Variants in THRB observed in about 807,000 individuals in gnomAD.
THRB encodes thyroid hormone receptor beta, also known as nuclear receptor subfamily 1 group A member 2.
In THRB, 12 loss-of-function variants were observed where a neutral mutation model predicts 47.8. The observed-to-expected ratio is 0.25, with a 90% CI of 0.16 to 0.41. The LOEUF is 0.41. Among genes scored for constraint, THRB ranks in the 10% least tolerant of loss-of-function variants. The pLI is 1.00. For missense variants in THRB, 348 were observed against 589.2 expected (o/e 0.59, Z 4.24); for synonymous variants, 218 against 212.2 (o/e 1.03, Z -0.24).
At chr3:24,431,130 T>TA (rs546441111) in intron 1 of THRB, 3 of 152,056 alleles carry the variant, frequency 2.0e-5, no homozygotes, top group Non-Finnish European at 4.4e-5. Context: ...AAATAAAGTT[T>TA]ATAAGACTGC....
At chr3:24,277,911 G>A in intron 3 of THRB, among the ~76,000 whole-genome samples, 1 of 152,114 alleles carries the variant, frequency 6.6e-6, no homozygotes, top group East Asian at 1.9e-4. Flanking sequence ...CTCAATTAAG[G>A]GGTGACAACA....
intron 5 of THRB, among the ~76,000 whole-genome samples, chr3:24,185,596 A>G (rs975067569): frequency 6.6e-6 from 1 of 152,196 alleles, no homozygotes; most frequent in Admixed American, 6.5e-5. Context: ...CTGTGAGATC[A>G]CTGATGGCTG....
chr3:24,160,000 G>T (rs1485625892), intron 5 of THRB, among the ~76,000 whole-genome samples: 3 of 152,192 alleles, frequency 2.0e-5, no homozygotes, highest in African/African-American at 7.2e-5. Context: ...TTTGAAGGCA[G>T]GGCTGGTTGG....
chr3:24,382,575 AG>A (rs2065795960), intron 1 of THRB, among the ~76,000 whole-genome samples: 1 of 152,170 alleles, frequency 6.6e-6, no homozygotes, highest in South Asian at 2.1e-4. Context: ...CATTATTGAA[AG>A]GGGGAGGGAA....
chr3:24,194,790 T>A, intron 4 of THRB, among the ~76,000 whole-genome samples: 1 of 152,188 alleles, frequency 6.6e-6, no homozygotes, highest in East Asian at 1.9e-4. Flanking sequence ...AGAATTAGAT[T>A]AAAATATTCA....
At chr3:24,328,038 G>T (rs2061698781) in intron 2 of THRB, among the ~76,000 whole-genome samples, 1 of 151,990 alleles carries the variant, frequency 6.6e-6, no homozygotes, top group African/African-American at 2.4e-5. Context: ...TCAACAAAAA[G>T]TGAAAAATGT....
rs778056045 is a variant in THRB, at chr3:24,127,563, C to T, written c.1080G>A (p.Leu360=). The T allele has an allele frequency of 6.2e-5, 100 of 1,614,212 alleles. No homozygotes were observed. The highest frequency in any genetic ancestry group is 8.3e-5 in the Non-Finnish European group (98 of 1,180,036). The change falls in exon 10 of 11, where the codon CTG becomes CTA. Residue 360 remains leucine (L), a synonymous_variant. Coordinates refer to ENST00000646209, the MANE Select transcript of THRB (RefSeq NM_001354712.2). ...SDAIFDLGMS[L]SSFNLDDTEV... is the part of the protein sequence containing the mutation. ...CAGTGTCATCCAGGTTGAAAGAAGACAGAGACATGCCCAGGTCAAAGATGG... is the reference window on the plus strand; with the variant it reads ...CAGTGTCATCCAGGTTGAAAGAAGATAGAGACATGCCCAGGTCAAAGATGG...
chr3:24,316,048 C>T (rs17014510), intron 2 of THRB, among the ~76,000 whole-genome samples: 4,355 of 152,220 alleles, frequency 0.029, 218 homozygotes, highest in African/African-American at 0.099. Context: ...AGGTGCCCAG[C>T]TATGAATTGA....
intron 1 of THRB, among the ~76,000 whole-genome samples, chr3:24,397,441 G>A (rs542400555): frequency 2.6e-5 from 4 of 152,064 alleles, no homozygotes; most frequent in South Asian, 4.2e-4. Flanking sequence ...CCTAAAAAAC[G>A]TTTTTTCCGT....
chr3:24,314,920 A>G (rs1232896318), intron 2 of THRB, among the ~76,000 whole-genome samples: 1 of 152,202 alleles, frequency 6.6e-6, no homozygotes, highest in Non-Finnish European at 1.5e-5. Flanking sequence ...TCCTTTTACA[A>G]TTCTCCTTAA....
At chr3:24,255,566 C>T (rs2051174286) in intron 3 of THRB, among the ~76,000 whole-genome samples, 1 of 152,270 alleles carries the variant, frequency 6.6e-6, no homozygotes, top group Admixed American at 6.5e-5. Flanking sequence ...TGGGATGAGA[C>T]TCCCAGAAGT....
At chr3:24,280,891 G>A (rs2054512681) in intron 3 of THRB, among the ~76,000 whole-genome samples, 1 of 151,978 alleles carries the variant, frequency 6.6e-6, no homozygotes, top group Non-Finnish European at 1.5e-5. Flanking sequence ...TAGAGAAAAA[G>A]GAATAAAAAG....
chr3:24,225,348 T>C (rs1268762408), intron 4 of THRB, among the ~76,000 whole-genome samples: 1 of 152,046 alleles, frequency 6.6e-6, no homozygotes, highest in Non-Finnish European at 1.5e-5. Context: ...ATAAAGAAAA[T>C]ACCTTCCCAC....
chr3:24,196,085 G>C (rs2043924970), intron 4 of THRB, among the ~76,000 whole-genome samples: 2 of 152,144 alleles, frequency 1.3e-5, no homozygotes, highest in Non-Finnish European at 2.9e-5. Flanking sequence ...TGGGGAATGT[G>C]GACAGAATTA....
At chr3:24,380,617 C>T (rs1444735488) in intron 1 of THRB, among the ~76,000 whole-genome samples, 1 of 152,112 alleles carries the variant, frequency 6.6e-6, no homozygotes, top group African/African-American at 2.4e-5. Flanking sequence ...CTATTCTTTA[C>T]TTTTGTCTCT....
intron 1 of THRB, among the ~76,000 whole-genome samples, chr3:24,451,196 GA>G (rs1358996137): frequency 6.8e-6 from 1 of 146,544 alleles, no homozygotes; most frequent in Non-Finnish European, 1.5e-5. Flanking sequence ...ATTTTCCTGG[GA>G]AACAGCTGAA....
chr3:24,489,305 G>C (rs1398274086), intron 1 of THRB, among the ~76,000 whole-genome samples: 1 of 152,010 alleles, frequency 6.6e-6, no homozygotes, highest in Non-Finnish European at 1.5e-5. Flanking sequence ...TTTCTGGTAA[G>C]CACTGACCAG....
At chr3:24,154,747 T>C (rs1252787598) in intron 5 of THRB, among the ~76,000 whole-genome samples, 1 of 152,196 alleles carries the variant, frequency 6.6e-6, no homozygotes, top group Non-Finnish European at 1.5e-5. Context: ...AGATGGAATA[T>C]ACAGACCCAT....
At chr3:24,238,261 GTA>G (rs1345415042) in intron 3 of THRB, among the ~76,000 whole-genome samples, 5 of 78,488 alleles carry the variant, frequency 6.4e-5, no homozygotes, top group South Asian at 1.1e-3. Flanking sequence ...GGGTGTGTGT[GTA>G]TGTGTGTGTG....
Sources: gnomAD v4.1 joint callset for allele counts (sites outside exome capture counted in the v4.1 genomes callset) on GRCh38, gnomAD v4.1.1 for gene constraint, MANE v1.5 for transcripts, NCBI Gene and HGNC (gene_info 2026-07-23, HGNC 2026-07-21) for gene names.